NT5DC4: variants seen among roughly 807,000 people sequenced by gnomAD.
NT5DC4 encodes 5'-nucleotidase domain containing 4.
In NT5DC4, 44 loss-of-function variants were observed where a neutral mutation model predicts 26.6. That is an observed-to-expected ratio of 1.65 (90% CI 1.30 to 2.13). The LOEUF (loss-of-function observed/expected upper bound fraction) is 2.13. NT5DC4 is among the 30% of genes most tolerant of loss of function. NT5DC4 has a pLI of 0.00. For missense variants in NT5DC4, 399 were observed against 228.1 expected (o/e 1.75, Z -4.83); for synonymous variants, 157 against 86.7 (o/e 1.81, Z -4.51).
At chr2:112,727,060 G>T in intron 15 of NT5DC4, 2 of 380,180 alleles carry the variant, frequency 5.3e-6, no homozygotes, top group Non-Finnish European at 1.0e-5. Context: ...AGCCAGTTCT[G>T]ATAGGAAATG....
upstream of NT5DC4, among the ~76,000 whole-genome samples, chr2:112,720,030 CTTCCTTCT>C (rs1254884555): frequency 8.0e-6 from 1 of 124,780 alleles, no homozygotes; most frequent in African/African-American, 3.1e-5. Context: ...TCCTTCCTTC[CTTCCTTCT>C]TTCTTCCTTT....
chr2:112,738,595 T>G (rs1283415493), intron 16 of NT5DC4: 1 of 533,580 alleles, frequency 1.9e-6, no homozygotes, highest in Admixed American at 3.5e-5. Flanking sequence ...TTCAAAAGTT[T>G]GAAATTTATG....
At chr2:112,723,000 T>G (rs1210045592) in intron 6 of NT5DC4, 81 bp from the exon 7 acceptor site, 3 of 467,852 alleles carry the variant, frequency 6.4e-6, no homozygotes. Context: ...GCTGGTGGGG[T>G]TGCTCTGGTG....
chr2:112,721,508 A>G (rs758466049), intron 1 of NT5DC4: 3 of 717,914 alleles, frequency 4.2e-6, no homozygotes, highest in Admixed American at 4.0e-5. Context: ...AACTGCACCT[A>G]CTTTCTTACA....
At chr2:112,733,147 C>T (rs1678677261) in intron 16 of NT5DC4, among the ~76,000 whole-genome samples, 2 of 152,176 alleles carry the variant, frequency 1.3e-5, no homozygotes, top group South Asian at 4.1e-4. Flanking sequence ...CTACCTCCTA[C>T]CCAGACACAT....
chr2:112,722,011 C>T lies in NT5DC4; in HGVS notation c.174C>T (p.Ala58=). The change falls in exon 3 of 17, where the codon GCC becomes GCT. Residue 58 remains alanine (A), a synonymous_variant. Transcript: ENST00000688554. ...CCTACAAGTCCCCAGCTTATGAGGCCCTGACCTTCGAGCTGCTGCTGGAGC... is the reference window on the plus strand; with the variant it reads ...CCTACAAGTCCCCAGCTTATGAGGCTCTGACCTTCGAGCTGCTGCTGGAGC... ...LAAYKSPAYE[A]LTFELLLERL... The T allele has an allele frequency of 2.8e-6, 2 of 717,234 alleles. No homozygotes were observed. Among genetic ancestry groups the T allele is most frequent in the Middle Eastern group, 4.6e-4 (2 of 4,370 alleles). The allele number at this position is 717,234 out of a possible 1,614,324, so 44.4% of individuals were successfully genotyped here. A position where few individuals can be genotyped will look rare whatever the true frequency, so the allele number is the denominator to read the frequency against.
At chr2:112,730,749 A>G (rs1386866997) in intron 16 of NT5DC4, among the ~76,000 whole-genome samples, 1 of 152,210 alleles carries the variant, frequency 6.6e-6, no homozygotes, top group Non-Finnish European at 1.5e-5. Flanking sequence ...TTCAACCAGT[A>G]TTTACTGAGC....
chr2:112,719,896 TTC>T (rs1268514234), upstream of NT5DC4, among the ~76,000 whole-genome samples: 4 of 108,820 alleles, frequency 3.7e-5, no homozygotes, highest in East Asian at 6.5e-4. Context: ...TTTCCTTTCT[TTC>T]TTTCTTTTTC....
At chr2:112,723,371 A>ACACACACACACACG (rs1340233573) in intron 7 of NT5DC4, 47 bp from the exon 8 acceptor site, 1 of 706,450 alleles carries the variant, frequency 1.4e-6, no homozygotes, top group Non-Finnish European at 2.6e-6. Context: ...GCACACACAC[A>ACACACACACACACG]CACACACACA....
rs1558719945 is a variant in NT5DC4, at chr2:112,721,889, CT to C, written c.147del (p.Ala50ProfsTer10). The C allele has an allele frequency of 1.4e-6, 1 of 717,258 alleles. No homozygotes were observed. Among genetic ancestry groups the C allele is most frequent in the African/African-American group, 1.7e-5 (1 of 57,248 alleles). 44.4% of individuals were successfully genotyped at this position (717,258 alleles called of 1,614,324 possible). ...GGCTTCGACATGGACTACACTCTGG[CT>C]GGTAGAGAGGGCTGGAACACAGCGT... is the stretch of plus-strand genomic sequence containing the variant. ...CFGFDMDYTL[A>X]AYKSPAYEAL... On this transcript the variant is annotated frameshift_variant and splice_region_variant, in exon 2 of 17. Coordinates refer to ENST00000688554, the MANE Select transcript of NT5DC4 (RefSeq NM_001393655.1). LOFTEE classifies it high-confidence loss of function.
intron 14 of NT5DC4, 102 bp from the exon 15 acceptor site, chr2:112,726,576 C>T: frequency 1.4e-6 from 1 of 708,600 alleles, no homozygotes; most frequent in Non-Finnish European, 2.6e-6. Context: ...TGGATGCCCG[C>T]ACGGTGTCCC....
upstream of NT5DC4, among the ~76,000 whole-genome samples, chr2:112,719,971 T>C (rs1676727427): frequency 8.3e-6 from 1 of 121,062 alleles, no homozygotes; most frequent in African/African-American, 3.2e-5. Context: ...TCTTTCTTTC[T>C]TTCTTTCTTT....
chr2:112,731,053 CAT>C (rs1678428754), intron 16 of NT5DC4: 1 of 152,042 alleles, frequency 6.6e-6, no homozygotes, highest in Non-Finnish European at 1.5e-5. Context: ...AGAAAATATC[CAT>C]AGTCACTTTC....
chr2:112,720,222 C>G (rs1024175367), upstream of NT5DC4, among the ~76,000 whole-genome samples: 1 of 13,758 alleles, frequency 7.3e-5, no homozygotes, highest in African/African-American at 9.3e-5. Context: ...CCCAAGAGGG[C>G]AATTTTTTTT....
At chr2:112,735,556 T>TA (rs1276740252) in intron 16 of NT5DC4, among the ~76,000 whole-genome samples, 1 of 151,428 alleles carries the variant, frequency 6.6e-6, no homozygotes, top group Non-Finnish European at 1.5e-5. Flanking sequence ...CGAACAACAT[T>TA]AGACTTATTT....
rs60070270 is a variant in NT5DC4, at chr2:112,732,210, ATT to A, written c.1344+2516_1344+2517del. ...ACAGGCGAGAGCCACCGAGCCTGGC[ATT>A]TTTTTTTTTAAAACATCTTCTTTGC... On this transcript the variant is annotated intron_variant, in intron 16 of 16. Coordinates refer to ENST00000688554, the MANE Select transcript of NT5DC4 (RefSeq NM_001393655.1). Among the ~76,000 whole-genome samples the A allele has an allele frequency of 3.9e-3, 582 of 150,288 alleles. 4 individuals are homozygous for A. The highest frequency in any genetic ancestry group is 0.013 in the African/African-American group (552 of 41,142).
rs140213168 is a variant in NT5DC4 at position 112,726,240 on chromosome 2, C to A, written c.1156C>A (p.Arg386=). The A allele has an allele frequency of 1.1e-5, 8 of 716,550 alleles. No individual in the cohort carries two copies. The highest frequency in any genetic ancestry group is 4.4e-5 in the South Asian group (3 of 67,562). The allele number at this position is 716,550 out of a possible 1,614,324, so 44.4% of individuals were successfully genotyped here. The change falls in exon 14 of 17, where the codon CGG becomes AGG. Residue 386 remains arginine, a splice_region_variant and synonymous_variant. Transcript: ENST00000688554. ...ACTGACCCCTGGTGGCTTTTCAGAGCGGTTGGAGGAGCTGAAGAGACTGGA... is the reference window on the plus strand; with the variant it reads ...ACTGACCCCTGGTGGCTTTTCAGAGAGGTTGGAGGAGCTGAAGAGACTGGA... ...ELDIWAQEKE[R]LEELKRLDTH...
upstream of NT5DC4, among the ~76,000 whole-genome samples, chr2:112,719,904 T>TTTTCTTTC (rs1172710335): frequency 2.2e-4 from 22 of 98,738 alleles, no homozygotes; most frequent in South Asian, 4.0e-4. Context: ...CTTTCTTTCT[T>TTTTCTTTC]TTTCTTTCTT....
chr2:112,724,948 G>T, intron 11 of NT5DC4, 42 bp downstream of exon 11: 1 of 713,536 alleles, frequency 1.4e-6, no homozygotes. Flanking sequence ...GGGGAGGGCA[G>T]CCTGCCTGCC....
Sources: allele counts gnomAD v4.1 joint callset (sites outside exome capture counted in the v4.1 genomes callset), GRCh38; gene constraint gnomAD v4.1.1; transcripts MANE v1.5; gene names NCBI Gene and HGNC (gene_info 2026-07-23, HGNC 2026-07-21).